Variants in CDC42BPA observed in about 807,000 individuals in gnomAD.
CDC42BPA encodes the protein serine/threonine-protein kinase MRCK alpha.
Under a neutral mutation model 223.5 loss-of-function variants are expected in CDC42BPA, and 80 were observed. The ratio of observed to expected loss-of-function variants is 0.36; its 90% CI spans 0.30 to 0.43. The LOEUF (loss-of-function observed/expected upper bound fraction) is 0.43, where lower values mean the gene tolerates loss of function less well. Among genes scored for constraint, CDC42BPA ranks in the 20% least tolerant of loss-of-function variants. The pLI is 1.00. For synonymous variants in CDC42BPA, 694 were observed against 718.6 expected, an observed-to-expected ratio of 0.97 and a Z score of 0.55; for missense variants, 1,743 against 2,099.9, an observed-to-expected ratio of 0.83 and a Z score of 3.32.
chr1:227,127,974 T>C (rs1656191417), intron 11 of CDC42BPA, among the ~76,000 whole-genome samples: 1 of 152,206 alleles, frequency 6.6e-6, no homozygotes, highest in South Asian at 2.1e-4. Flanking sequence ...TCCCTCTGCT[T>C]ATTCAGATCA....
At chr1:227,313,683 A>G (rs1031537289) in intron 1 of CDC42BPA, among the ~76,000 whole-genome samples, 2 of 152,196 alleles carry the variant, frequency 1.3e-5, no homozygotes, top group Non-Finnish European at 2.9e-5. Context: ...GAGGAACAGC[A>G]TATGTGAAGA....
At chr1:227,277,727 G>C (rs78840620) in intron 1 of CDC42BPA, among the ~76,000 whole-genome samples, 1 of 152,026 alleles carries the variant, frequency 6.6e-6, no homozygotes, top group African/African-American at 2.4e-5. Context: ...AGAAAACTAG[G>C]AATAGATATA....
At chr1:227,060,111 A>T (rs1175199177) in intron 21 of CDC42BPA, among the ~76,000 whole-genome samples, 1 of 140,472 alleles carries the variant, frequency 7.1e-6, no homozygotes, top group Non-Finnish European at 1.5e-5. Flanking sequence ...GGCTCACTGC[A>T]AGCTCCACCT....
intron 2 of CDC42BPA, among the ~76,000 whole-genome samples, chr1:227,225,364 G>T (rs1676678005): frequency 6.6e-6 from 1 of 152,010 alleles, no homozygotes; most frequent in Admixed American, 6.6e-5. Context: ...AAAGAGGGAA[G>T]CATGAAAGAA....
intron 21 of CDC42BPA, among the ~76,000 whole-genome samples, chr1:227,061,090 T>C (rs571803754): frequency 6.6e-5 from 10 of 152,250 alleles, no homozygotes; most frequent in Non-Finnish European, 1.0e-4. Context: ...GCAGAGTTAA[T>C]AGTAAACCAG....
At chr1:227,078,894 A>C (rs1384622181) in intron 17 of CDC42BPA, among the ~76,000 whole-genome samples, 1 of 152,172 alleles carries the variant, frequency 6.6e-6, no homozygotes, top group African/African-American at 2.4e-5. Context: ...AGTACTGACA[A>C]GATGCTTAAA....
chr1:227,101,816 TAAG>T (rs1685101934), intron 14 of CDC42BPA, among the ~76,000 whole-genome samples: 1 of 152,130 alleles, frequency 6.6e-6, no homozygotes, highest in Admixed American at 6.6e-5. Flanking sequence ...TAGGTATGAT[TAAG>T]AAGGAGAAGA....
At chr1:227,315,545 C>G (rs1694232915) in intron 1 of CDC42BPA, among the ~76,000 whole-genome samples, 2 of 151,326 alleles carry the variant, frequency 1.3e-5, no homozygotes, top group African/African-American at 4.9e-5. Context: ...AACTCAAGTT[C>G]CAACTCTAAA....
At chr1:227,310,498 G>A (rs953939671) in intron 1 of CDC42BPA, among the ~76,000 whole-genome samples, 1 of 152,096 alleles carries the variant, frequency 6.6e-6, no homozygotes, top group South Asian at 2.1e-4. Context: ...CTCTCATACA[G>A]TGATAGATAA....
At chr1:227,088,963 C>A (rs950672872) in intron 16 of CDC42BPA, among the ~76,000 whole-genome samples, 1 of 152,014 alleles carries the variant, frequency 6.6e-6, no homozygotes, top group Non-Finnish European at 1.5e-5. Context: ...TGACGTCAAG[C>A]GATCTGCCCG....
intron 6 of CDC42BPA, among the ~76,000 whole-genome samples, chr1:227,156,450 C>CTCCCAAAG (rs1253088911): frequency 2.6e-3 from 9 of 3,492 alleles, no homozygotes; most frequent in Non-Finnish European, 8.2e-3. Flanking sequence ...TGCCATAGGC[C>CTCCCAAAG]TCTCAAAGAC....
At position 227,147,502 on chromosome 1, in the gene CDC42BPA, C is replaced by T; in HGVS notation, c.751G>A (p.Ala251Thr). 5.6e-6 allele frequency: 9 copies of T among 1,613,360 alleles called. No homozygotes were observed. The highest frequency in any genetic ancestry group is 1.7e-5 in the Admixed American group (1 of 59,968). Reference protein sequence around the residue: ...PDYISPEILQAMEDGKGRYGP... With the variant: ...PDYISPEILQTMEDGKGRYGP... Reference sequence around the variant, plus strand: ...TATCTCCCTTTTCCATCTTCCATGGCTTGAAGGATTTCAGGAGAGATATAA... The same window carrying T: ...TATCTCCCTTTTCCATCTTCCATGGTTTGAAGGATTTCAGGAGAGATATAA... Residue 251 changes from alanine (A) to threonine (T), a missense_variant, in exon 7 of 37, where the codon GCC becomes ACC. Coordinates refer to ENST00000366766, the MANE Select transcript of CDC42BPA (RefSeq NM_001394014.1).
intron 4 of CDC42BPA, among the ~76,000 whole-genome samples, chr1:227,198,438 C>CAAAAAAAAAA (rs1176604134): frequency 9.0e-4 from 46 of 50,914 alleles, no homozygotes; most frequent in Non-Finnish European, 1.3e-3. Flanking sequence ...ATCCAGCAAA[C>CAAAAAAAAAA]AAAAAAAAAA....
At chr1:227,296,429 G>C (rs949325450) in intron 1 of CDC42BPA, among the ~76,000 whole-genome samples, 34 of 152,156 alleles carry the variant, frequency 2.2e-4, no homozygotes, top group African/African-American at 8.2e-4. Flanking sequence ...AAATAGGCCG[G>C]GCATAGTGGC....
intron 16 of CDC42BPA, among the ~76,000 whole-genome samples, chr1:227,089,629 T>C (rs979008243): frequency 4.2e-4 from 20 of 47,332 alleles, no homozygotes; most frequent in Non-Finnish European, 6.2e-4. Context: ...GTAATTCCGT[T>C]TTTTTTTTTT....
At position 227,317,078 on chromosome 1, in the gene CDC42BPA, G is replaced by A; in HGVS notation, c.105C>T (p.Leu35=). 2 of 1,613,772 alleles carry A rather than the reference G, an allele frequency of 1.2e-6. No homozygotes were observed. Among genetic ancestry groups the A allele is most frequent in the East Asian group, 2.2e-5 (1 of 44,874 alleles). The change falls in exon 1 of 37, where the codon CTC becomes CTT. Residue 35 remains leucine (L), a synonymous_variant. Transcript: ENST00000366766. ...TATTGCATTCATCATAAAGGCAGAT[G>A]AGTATATCCAGTAATGTCTCCACAC... ...CFSVETLLDI[L]ICLYDECNNS... is the part of the protein sequence containing the mutation.
chr1:227,214,644 G>T (rs1459502807), intron 2 of CDC42BPA, among the ~76,000 whole-genome samples: 1 of 152,058 alleles, frequency 6.6e-6, no homozygotes, highest in Admixed American at 6.6e-5. Context: ...TTTAGGGCGG[G>T]GAAAACACAC....
At chr1:227,190,217 T>A (rs7546494) in intron 5 of CDC42BPA, among the ~76,000 whole-genome samples, 4 of 152,088 alleles carry the variant, frequency 2.6e-5, no homozygotes, top group African/African-American at 7.2e-5. Context: ...TCAAAGCCCC[T>A]CCATTAAAGT....
At chr1:227,038,544 G>A (rs1670763783) in intron 24 of CDC42BPA, among the ~76,000 whole-genome samples, 1 of 152,180 alleles carries the variant, frequency 6.6e-6, no homozygotes, top group African/African-American at 2.4e-5. Context: ...GAGGACTGAT[G>A]AATAACAGCA....
Sources: allele counts gnomAD v4.1 joint callset (sites outside exome capture counted in the v4.1 genomes callset), GRCh38; gene constraint gnomAD v4.1.1; transcripts MANE v1.5; gene names NCBI Gene and HGNC (gene_info 2026-07-23, HGNC 2026-07-21).